The following PLCXD3 variants were observed in gnomAD, a reference collection of about 807,000 sequenced individuals.
The protein encoded by PLCXD3 is PI-PLC X domain-containing protein 3.
A neutral mutation model predicts 25.5 loss-of-function variants in PLCXD3; 19 were observed. The observed-to-expected ratio is 0.75, with a 90% CI of 0.52 to 1.09. The LOEUF is 1.09. Ranked by LOEUF, PLCXD3 falls within the 50% of genes least tolerant of loss-of-function variation. PLCXD3 has a pLI of 0.00. For missense variants in PLCXD3, 411 were observed against 388.1 expected, an observed-to-expected ratio of 1.06 and a Z score of -0.50; for synonymous variants, 174 against 137.6, an observed-to-expected ratio of 1.26 and a Z score of -1.85.
At chr5:41,491,822 G>A (rs927500118) in intron 1 of PLCXD3, among the ~76,000 whole-genome samples, 1 of 152,056 alleles carries the variant, frequency 6.6e-6, no homozygotes, top group Non-Finnish European at 1.5e-5. Flanking sequence ...TTGAGCCTAT[G>A]TGTGTCTCTG....
intron 1 of PLCXD3, among the ~76,000 whole-genome samples, chr5:41,496,807 A>G (rs1748850626): frequency 6.6e-6 from 1 of 151,652 alleles, no homozygotes. Flanking sequence ...CTATAATACT[A>G]TAATGATATG....
At chr5:41,401,943 C>T (rs1474507938) in intron 1 of PLCXD3, among the ~76,000 whole-genome samples, 1 of 151,822 alleles carries the variant, frequency 6.6e-6, no homozygotes, top group Non-Finnish European at 1.5e-5. Context: ...TCTGGTGATG[C>T]CCCTCCTTCA....
intron 2 of PLCXD3, among the ~76,000 whole-genome samples, chr5:41,339,710 G>T (rs1744084233): frequency 6.6e-6 from 1 of 152,072 alleles, no homozygotes; most frequent in Non-Finnish European, 1.5e-5. Context: ...ACTTGGTATG[G>T]TTGTATTCTA....
intron 1 of PLCXD3, among the ~76,000 whole-genome samples, chr5:41,400,360 C>T (rs1424961771): frequency 2.6e-5 from 4 of 152,056 alleles, no homozygotes; most frequent in Non-Finnish European, 5.9e-5. Context: ...AAAAGAAAAT[C>T]AGTATACTGA....
At chr5:41,410,389 C>T (rs1746484072) in intron 1 of PLCXD3, among the ~76,000 whole-genome samples, 1 of 151,938 alleles carries the variant, frequency 6.6e-6, no homozygotes, top group South Asian at 2.1e-4. Context: ...GTGATCTGCC[C>T]ACTTCAACCT....
intron 1 of PLCXD3, among the ~76,000 whole-genome samples, chr5:41,397,080 G>A (rs1746030021): frequency 6.6e-6 from 1 of 152,154 alleles, no homozygotes; most frequent in Non-Finnish European, 1.5e-5. Flanking sequence ...CATTTTTTGG[G>A]GAAGAATTCA....
intron 1 of PLCXD3, among the ~76,000 whole-genome samples, chr5:41,394,727 C>T (rs951974601): frequency 6.6e-6 from 1 of 152,032 alleles, no homozygotes; most frequent in Admixed American, 6.6e-5. Flanking sequence ...AAGAAGGTCA[C>T]TATATAATGA....
intron 2 of PLCXD3, among the ~76,000 whole-genome samples, chr5:41,335,345 C>A (rs1743948731): frequency 6.6e-6 from 1 of 152,134 alleles, no homozygotes; most frequent in Non-Finnish European, 1.5e-5. Context: ...GTTAGATCCA[C>A]TTAAGAGTTC....
intron 2 of PLCXD3, among the ~76,000 whole-genome samples, chr5:41,339,325 A>G (rs1744071927): frequency 1.3e-5 from 2 of 152,002 alleles, no homozygotes; most frequent in African/African-American, 4.8e-5. Context: ...GAAAATTTGG[A>G]TATTCTAGGA....
chr5:41,494,250 T>C (rs1273207525), intron 1 of PLCXD3, among the ~76,000 whole-genome samples: 1 of 152,056 alleles, frequency 6.6e-6, no homozygotes, highest in Non-Finnish European at 1.5e-5. Context: ...TGTGGAGGGT[T>C]TTATATAAGC....
chr5:41,493,381 G>A lies in PLCXD3; in HGVS notation c.103+17043C>T, dbSNP rs111752789. 5.9e-5 allele frequency among the ~76,000 whole-genome samples: 9 copies of A among 152,308 alleles called. No individual in the cohort carries two copies. The South Asian group carries it at 1.4e-3, about 25-fold the overall frequency. Reference sequence around the variant, plus strand: ...CCAGTTAGGCTGCTCAGGGGTCAGGGGTCAGGGACCCACTTGAGGAGGCAG... The same window carrying A: ...CCAGTTAGGCTGCTCAGGGGTCAGGAGTCAGGGACCCACTTGAGGAGGCAG... On this transcript the variant is annotated intron_variant, in intron 1 of 2. Transcript: ENST00000377801.
At chr5:41,398,499 C>A (rs1021797123) in intron 1 of PLCXD3, among the ~76,000 whole-genome samples, 2 of 152,094 alleles carry the variant, frequency 1.3e-5, no homozygotes, top group African/African-American at 4.8e-5. Context: ...TCAAGTAGTT[C>A]TCTATAGCAA....
intron 1 of PLCXD3, among the ~76,000 whole-genome samples, chr5:41,414,183 T>G (rs990025683): frequency 2.0e-5 from 3 of 151,888 alleles, no homozygotes; most frequent in Admixed American, 1.3e-4. Context: ...TGGCCTTAGC[T>G]CTTGATTGGG....
intron 2 of PLCXD3, among the ~76,000 whole-genome samples, chr5:41,331,854 A>G (rs1043106046): frequency 1.2e-4 from 18 of 152,212 alleles, no homozygotes; most frequent in Non-Finnish European, 2.4e-4. Context: ...AGGATTCCCT[A>G]TTTAATAAAT....
rs1304197217 is a variant in PLCXD3, at chr5:41,421,175, A to C, written c.104-38641T>G. ...ATAATATTAGGCATAATATCCAAAC[A>C]TCAAAACAGAGTGTATTAAATTCTC... On this transcript the variant is annotated intron_variant, in intron 1 of 2. Transcript: ENST00000377801. Among the ~76,000 whole-genome samples the C allele has an allele frequency of 2.6e-5, 4 of 152,326 alleles. No individual in the cohort carries two copies. The East Asian group carries it at 5.8e-4, about 22-fold the overall frequency.
At chr5:41,492,887 A>G (rs887428459) in intron 1 of PLCXD3, among the ~76,000 whole-genome samples, 1 of 152,222 alleles carries the variant, frequency 6.6e-6, no homozygotes, top group Admixed American at 6.5e-5. Flanking sequence ...TTCCTCCTGT[A>G]GCTCAGAGTA....
intron 1 of PLCXD3, among the ~76,000 whole-genome samples, chr5:41,495,812 T>C (rs1748824942): frequency 6.6e-6 from 1 of 152,142 alleles, no homozygotes; most frequent in African/African-American, 2.4e-5. Context: ...TGGATTTTTT[T>C]CAAGTGCATA....
chr5:41,381,821 C>T lies in PLCXD3; in HGVS notation c.812+5G>A, dbSNP rs1194418394. 10 of 1,598,998 alleles carry T rather than the reference C, an allele frequency of 6.3e-6. No homozygotes were observed. In the South Asian group the frequency reaches 1.0e-4, roughly 16 times the overall value. ...GTTTCCCCCTGACATTTTAAAGACACTTACCTTTCTGTGATTGTTTCTCTG... is the reference window on the plus strand; with the variant it reads ...GTTTCCCCCTGACATTTTAAAGACATTTACCTTTCTGTGATTGTTTCTCTG... On this transcript the variant is annotated splice_donor_5th_base_variant and intron_variant, in intron 2 of 2. Transcript: ENST00000377801.
intron 1 of PLCXD3, among the ~76,000 whole-genome samples, chr5:41,397,619 G>C (rs545285540): frequency 4.8e-4 from 73 of 152,296 alleles, no homozygotes; most frequent in African/African-American, 1.8e-3. Context: ...TGTGAGAAGA[G>C]AGACACAATC....
Sources: allele counts gnomAD v4.1 joint callset (sites outside exome capture counted in the v4.1 genomes callset), GRCh38; gene constraint gnomAD v4.1.1; transcripts MANE v1.5; gene names NCBI Gene and HGNC (gene_info 2026-07-23, HGNC 2026-07-21).